NEIL3: variants seen among roughly 807,000 people sequenced by gnomAD.
NEIL3 encodes the protein nei like DNA glycosylase 3.
A neutral mutation model predicts 57.5 loss-of-function variants in NEIL3; 48 were observed. That is an observed-to-expected ratio of 0.83 (90% CI 0.66 to 1.06). The LOEUF (loss-of-function observed/expected upper bound fraction) is 1.06. Ranked by LOEUF, NEIL3 falls within the 50% of genes least tolerant of loss-of-function variation. The pLI is 0.00. For synonymous variants in NEIL3, 261 were observed against 253.2 expected, an observed-to-expected ratio of 1.03 and a Z score of -0.29; for missense variants, 717 against 739.1, an observed-to-expected ratio of 0.97 and a Z score of 0.35.
At chr4:177,349,975 TAAAC>T (rs1346003047) in intron 6 of NEIL3, among the ~76,000 whole-genome samples, 1 of 152,186 alleles carries the variant, frequency 6.6e-6, no homozygotes, top group Non-Finnish European at 1.5e-5. Flanking sequence ...TTAGGTCAAA[TAAAC>T]AAATTCTGTA....
At chr4:177,365,823 A>C (rs1323901047), downstream of NEIL3, among the ~76,000 whole-genome samples, 1 of 152,188 alleles carries the variant, frequency 6.6e-6, no homozygotes, top group Admixed American at 6.5e-5. Flanking sequence ...CACAGTTTCC[A>C]TGAACCTATC....
downstream of NEIL3, among the ~76,000 whole-genome samples, chr4:177,367,620 C>T (rs1281428426): frequency 6.6e-6 from 1 of 152,210 alleles, no homozygotes; most frequent in Non-Finnish European, 1.5e-5. Flanking sequence ...ATTTCAGAGC[C>T]TGCATCTGTT....
chr4:177,336,216 C>T lies in NEIL3; in HGVS notation c.522C>T (p.Gly174=), dbSNP rs565542222. ...RAESEVKKQK[G]RMLGDVLMDQ... ...AAAGTGAAGTTAAAAAACAGAAAGG[C>T]CGGATGCTAGGTGATGTGCTAATGG... Residue 174 remains glycine, a synonymous_variant, in exon 4 of 10, where the codon GGC becomes GGT. Coordinates refer to ENST00000264596, the MANE Select transcript of NEIL3 (RefSeq NM_018248.3). 1 of 1,614,052 alleles carries T rather than the reference C, an allele frequency of 6.2e-7. No homozygotes were observed. The highest frequency in any genetic ancestry group is 2.2e-5 in the East Asian group (1 of 44,880).
intron 2 of NEIL3, among the ~76,000 whole-genome samples, chr4:177,331,817 G>A (rs772165401): frequency 2.0e-5 from 3 of 152,138 alleles, no homozygotes; most frequent in Non-Finnish European, 2.9e-5. Context: ...GTTGACCTTC[G>A]TTTGAGTTTT....
intron 4 of NEIL3, among the ~76,000 whole-genome samples, chr4:177,337,420 G>A (rs1167697376): frequency 1.3e-5 from 2 of 152,064 alleles, no homozygotes; most frequent in South Asian, 2.1e-4. Context: ...AAATCAGTAG[G>A]AATGAAGCTT....
At chr4:177,315,852 G>A (rs529931250) in intron 1 of NEIL3, among the ~76,000 whole-genome samples, 1 of 152,254 alleles carries the variant, frequency 6.6e-6, no homozygotes, top group South Asian at 2.1e-4. Flanking sequence ...TTTTAGAAAT[G>A]ATAGAGTACC....
rs182659393 is a variant in NEIL3 at position 177,315,048 on chromosome 4, A to T, written c.156+4939A>T. ...CGCGCCACTGCACTCGAGCCTGGGCAACAGAGCGAGACTCCGTCTCAAAAA... is the reference window on the plus strand; with the variant it reads ...CGCGCCACTGCACTCGAGCCTGGGCTACAGAGCGAGACTCCGTCTCAAAAA... On this transcript the variant is annotated intron_variant, in intron 1 of 9. Transcript: ENST00000264596. 3.2e-4 allele frequency among the ~76,000 whole-genome samples: 47 copies of T among 145,342 alleles called. 1 individual carries two copies. The highest frequency in any genetic ancestry group is 1.1e-3 in the African/African-American group (40 of 37,974).
chr4:177,345,337 T>C (rs7697180), intron 6 of NEIL3, among the ~76,000 whole-genome samples: 26,412 of 152,096 alleles, frequency 0.17, 2,777 homozygotes, highest in Admixed American at 0.29. Flanking sequence ...ACATTTGGAA[T>C]GCTGCACACA....
At chr4:177,324,025 C>T (rs2111119074) in intron 2 of NEIL3, among the ~76,000 whole-genome samples, 1 of 152,266 alleles carries the variant, frequency 6.6e-6, no homozygotes, top group East Asian at 1.9e-4. Context: ...TGTAACAATT[C>T]AAGGTCAATG....
intron 2 of NEIL3, among the ~76,000 whole-genome samples, chr4:177,330,005 G>A (rs189796290): frequency 2.6e-5 from 4 of 151,988 alleles, no homozygotes; most frequent in Admixed American, 2.0e-4. Flanking sequence ...TCTACCTCCC[G>A]GGTTCAAGTG....
At chr4:177,319,785 T>G (rs1734642718) in intron 1 of NEIL3, among the ~76,000 whole-genome samples, 1 of 151,490 alleles carries the variant, frequency 6.6e-6, no homozygotes, top group African/African-American at 2.4e-5. Context: ...GAGAGAAGGG[T>G]GTGTGTGTGT....
Position 177,322,504 on chromosome 4 carries a change from T to G in NEIL3, c.202T>G (p.Phe68Val), listed in dbSNP as rs777765624. 2 of 1,614,042 alleles carry G rather than the reference T, an allele frequency of 1.2e-6. No homozygotes were observed. Among genetic ancestry groups the G allele is most frequent in the African/African-American group, 2.7e-5 (2 of 75,040 alleles). The change falls in exon 2 of 10, where the codon TTT (phenylalanine) becomes GTT (valine). Residue 68 changes from phenylalanine to valine, a missense_variant. Transcript: ENST00000264596. ...NDSSQNVLSL[F>V]NGYVYSGVET... ...TTCCAGCCAGAATGTCTTGAGCCTG[T>G]TTAATGGATATGTTTACAGTGGCGT...
chr4:177,338,003 G>A (rs180973348), intron 4 of NEIL3, among the ~76,000 whole-genome samples: 1 of 145,186 alleles, frequency 6.9e-6, no homozygotes, highest in East Asian at 2.0e-4. Context: ...TGGCAACAGA[G>A]CGAGACTCTG....
downstream of NEIL3, among the ~76,000 whole-genome samples, chr4:177,364,072 A>G (rs1735660118): frequency 6.6e-6 from 1 of 152,214 alleles, no homozygotes; most frequent in South Asian, 2.1e-4. Flanking sequence ...TGAGAGTCCC[A>G]GAGAACCAGA....
At chr4:177,337,658 T>G (rs1735003949) in intron 4 of NEIL3, among the ~76,000 whole-genome samples, 1 of 152,190 alleles carries the variant, frequency 6.6e-6, no homozygotes. Context: ...CAGCCATCCA[T>G]CCATCTAGGA....
intron 8 of NEIL3, among the ~76,000 whole-genome samples, chr4:177,358,495 C>T (rs888858286): frequency 7.9e-5 from 12 of 152,090 alleles, no homozygotes; most frequent in South Asian, 4.2e-4. Flanking sequence ...TTAGTCGAGA[C>T]GGGGTTTCAC....
In NEIL3 at chr4:177,362,594, A is replaced by C; in HGVS notation, c.*123A>C. 1.4e-6 allele frequency: 1 copy of C among 732,068 alleles called. No homozygotes were observed. The highest frequency in any genetic ancestry group is 3.6e-5 in the Admixed American group (1 of 27,958). 45.3% of individuals were successfully genotyped at this position (732,068 alleles called of 1,614,324 possible). A position where few individuals can be genotyped will look rare whatever the true frequency, so the allele number is the denominator to read the frequency against. ...TGAAAAGTTACTGCAATATTTGAGA[A>C]CTGTTCTTTTTTTTTCTTGTGTGTG... On this transcript the variant is annotated 3_prime_UTR_variant, in exon 10 of 10. Coordinates refer to ENST00000264596, the MANE Select transcript of NEIL3 (RefSeq NM_018248.3).
chr4:177,331,614 T>A (rs898531863), intron 2 of NEIL3, among the ~76,000 whole-genome samples: 21 of 152,322 alleles, frequency 1.4e-4, no homozygotes, highest in Middle Eastern at 3.4e-3. Flanking sequence ...CTCTTGATAC[T>A]TTTTTAATCT....
At chr4:177,318,829 A>G (rs1734623399) in intron 1 of NEIL3, among the ~76,000 whole-genome samples, 1 of 152,134 alleles carries the variant, frequency 6.6e-6, no homozygotes, top group Non-Finnish European at 1.5e-5. Flanking sequence ...TTTCCTTACT[A>G]GAACATAAAC....
Sources: gnomAD v4.1 joint callset for allele counts (sites outside exome capture counted in the v4.1 genomes callset) on GRCh38, gnomAD v4.1.1 for gene constraint, MANE v1.5 for transcripts, NCBI Gene and HGNC (gene_info 2026-07-23, HGNC 2026-07-21) for gene names.